The following NAALADL2 variants were observed in gnomAD, a reference collection of about 807,000 sequenced individuals.
NAALADL2 encodes N-acetylated alpha-linked acidic dipeptidase like 2.
A neutral mutation model predicts 87.2 loss-of-function variants in NAALADL2; 76 were observed. That is an observed-to-expected ratio of 0.87 (90% CI 0.72 to 1.05). NAALADL2 has a LOEUF of 1.05. NAALADL2 is among the 50% of genes least tolerant of loss of function. The probability of loss-of-function intolerance (pLI) is 0.00; values close to 1 mark genes in which losing one functional copy is unlikely to be tolerated. For synonymous variants in NAALADL2, 354 were observed against 331.0 expected (o/e 1.07, Z -0.75); for missense variants, 1,089 against 945.8 (o/e 1.15, Z -1.99).
At chr3:174,783,806 T>A (rs925509546) in intron 3 of NAALADL2, among the ~76,000 whole-genome samples, 2 of 152,072 alleles carry the variant, frequency 1.3e-5, no homozygotes, top group African/African-American at 4.8e-5. Context: ...TTCTCAATCC[T>A]AGCTATGGAA....
At chr3:174,558,384 C>T (rs1713128556) in intron 2 of NAALADL2, among the ~76,000 whole-genome samples, 1 of 152,062 alleles carries the variant, frequency 6.6e-6, no homozygotes, top group South Asian at 2.1e-4. Context: ...CAAGTGCATT[C>T]CTATTATTAT....
chr3:174,900,241 G>T (rs571506845), intron 1 of NAALADL2, among the ~76,000 whole-genome samples: 1 of 151,980 alleles, frequency 6.6e-6, no homozygotes. Context: ...AAATGGACAA[G>T]TTAGAATCAC....
chr3:174,540,185 AG>A (rs1189571024), intron 1 of NAALADL2, among the ~76,000 whole-genome samples: 1 of 152,162 alleles, frequency 6.6e-6, no homozygotes, highest in East Asian at 1.9e-4. Context: ...TTCTAGTAAG[AG>A]GGGGAAAAAA....
chr3:174,705,911 G>A (rs564951033), intron 2 of NAALADL2, among the ~76,000 whole-genome samples: 1 of 152,096 alleles, frequency 6.6e-6, no homozygotes, highest in South Asian at 2.1e-4. Context: ...TTAGCAAAAA[G>A]TCTAGAATTC....
intron 9 of NAALADL2, among the ~76,000 whole-genome samples, chr3:175,498,068 G>A (rs571829393): frequency 7.9e-5 from 12 of 152,038 alleles, no homozygotes; most frequent in Admixed American, 5.9e-4. Context: ...ATGTATCAGA[G>A]TCCCTTACCA....
intron 11 of NAALADL2, among the ~76,000 whole-genome samples, chr3:175,713,806 G>A (rs1379743755): frequency 6.6e-6 from 1 of 151,770 alleles, no homozygotes; most frequent in Admixed American, 6.6e-5. Flanking sequence ...AGGTATACAC[G>A]TGCCATGGTG....
intron 1 of NAALADL2, among the ~76,000 whole-genome samples, chr3:175,077,963 A>G (rs1017434092): frequency 1.3e-5 from 2 of 151,540 alleles, no homozygotes; most frequent in African/African-American, 2.4e-5. Context: ...TATATGGACT[A>G]CCTACACTCA....
chr3:175,308,992 G>T (rs1758022269), intron 4 of NAALADL2, among the ~76,000 whole-genome samples: 1 of 152,122 alleles, frequency 6.6e-6, no homozygotes, highest in Admixed American at 6.6e-5. Context: ...ATGCCCAGGA[G>T]TGAAAATATC....
chr3:175,036,631 C>A (rs1753441752), intron 1 of NAALADL2, among the ~76,000 whole-genome samples: 1 of 151,968 alleles, frequency 6.6e-6, no homozygotes, highest in Non-Finnish European at 1.5e-5. Flanking sequence ...GATCTCCTGA[C>A]CTCGTGTTCT....
chr3:174,458,422 C>A (rs190938199), intron 1 of NAALADL2: 11 of 152,294 alleles, frequency 7.2e-5, no homozygotes, highest in African/African-American at 2.6e-4. Context: ...GTATATAAAG[C>A]ACCTGTTGTA....
intron 2 of NAALADL2, among the ~76,000 whole-genome samples, chr3:174,667,146 T>G (rs983918883): frequency 6.6e-5 from 10 of 152,184 alleles, no homozygotes; most frequent in African/African-American, 2.4e-4. Flanking sequence ...TGAACAAGTA[T>G]CTCTTCAAGA....
In NAALADL2 at chr3:175,334,251, CAGAT is replaced by C. The variant is rs368137446; in HGVS notation, c.1090+9942_1090+9945del. Reference sequence around the variant, plus strand: ...AGCTAGATTAGGTAGATTAGATAGACAGATAGATAGATAGATAGACAGACAGACA... The same window carrying C: ...AGCTAGATTAGGTAGATTAGATAGACAGATAGATAGATAGACAGACAGACA... On this transcript the variant is annotated intron_variant, in intron 5 of 13. Coordinates refer to ENST00000454872, the MANE Select transcript of NAALADL2 (RefSeq NM_207015.3). Among the ~76,000 whole-genome samples the C allele has an allele frequency of 3.5e-3, 528 of 152,132 alleles. 2 individuals are homozygous for C. The highest frequency in any genetic ancestry group is 0.011 in the African/African-American group (462 of 41,492).
chr3:175,327,498 G>A (rs948102280), intron 5 of NAALADL2, among the ~76,000 whole-genome samples: 2 of 151,828 alleles, frequency 1.3e-5, no homozygotes, highest in African/African-American at 2.4e-5. Flanking sequence ...TTATATGTAC[G>A]TTCCCACAAC....
intron 2 of NAALADL2, among the ~76,000 whole-genome samples, chr3:174,687,889 T>G (rs1353415359): frequency 6.6e-6 from 1 of 152,062 alleles, no homozygotes; most frequent in Non-Finnish European, 1.5e-5. Flanking sequence ...GCACAAGCTC[T>G]CTTGCCTGCC....
intron 4 of NAALADL2, among the ~76,000 whole-genome samples, chr3:175,303,488 C>A (rs1175934626): frequency 6.6e-6 from 1 of 152,060 alleles, no homozygotes; most frequent in Non-Finnish European, 1.5e-5. Context: ...TATTTCTGAT[C>A]TTAATCTGAT....
At chr3:174,442,103 GTTCT>G (rs1559988054) in intron 1 of NAALADL2, among the ~76,000 whole-genome samples, 1 of 152,120 alleles carries the variant, frequency 6.6e-6, no homozygotes, top group South Asian at 2.1e-4. Context: ...TTTGGTAACG[GTTCT>G]TTGTCATCTG....
At chr3:174,704,746 G>T (rs1368621200) in intron 2 of NAALADL2, among the ~76,000 whole-genome samples, 1 of 152,024 alleles carries the variant, frequency 6.6e-6, no homozygotes, top group Admixed American at 6.6e-5. Context: ...ATACCCCATG[G>T]ATTAATTGGA....
intron 3 of NAALADL2, among the ~76,000 whole-genome samples, chr3:174,750,428 AT>A (rs1734709288): frequency 7.1e-6 from 1 of 140,266 alleles, no homozygotes; most frequent in African/African-American, 2.7e-5. Flanking sequence ...CTTCTTTTTT[AT>A]TTTATTTTGT....
chr3:174,507,880 GA>G (rs1719301353), intron 1 of NAALADL2, among the ~76,000 whole-genome samples: 1 of 151,986 alleles, frequency 6.6e-6, no homozygotes, highest in African/African-American at 2.4e-5. Context: ...TCCATGCATG[GA>G]TATAAGTTTT....
Sources: gnomAD v4.1 joint callset for allele counts (sites outside exome capture counted in the v4.1 genomes callset) on GRCh38, gnomAD v4.1.1 for gene constraint, MANE v1.5 for transcripts, NCBI Gene and HGNC (gene_info 2026-07-23, HGNC 2026-07-21) for gene names.